TNRC6A: variants seen among roughly 807,000 people sequenced by gnomAD.
The protein encoded by TNRC6A is trinucleotide repeat-containing gene 6A protein.
Under a neutral mutation model 221.2 loss-of-function variants are expected in TNRC6A, and 44 were observed. The ratio of observed to expected loss-of-function variants is 0.20; its 90% CI spans 0.16 to 0.26. The LOEUF is 0.26. TNRC6A is among the 10% of genes least tolerant of loss of function. TNRC6A has a pLI of 1.00. For synonymous variants in TNRC6A, 847 were observed against 838.5 expected, an observed-to-expected ratio of 1.01 and a Z score of -0.18; for missense variants, 2,199 against 2,404.4, an observed-to-expected ratio of 0.91 and a Z score of 1.79.
intron 6 of TNRC6A, among the ~76,000 whole-genome samples, chr16:24,792,473 T>C (rs751551344): frequency 6.6e-5 from 10 of 152,120 alleles, no homozygotes; most frequent in Non-Finnish European, 1.5e-4. Context: ...TTTCATGAGC[T>C]AACTTTTTGG....
At chr16:24,746,125 T>A (rs1240817639) in intron 2 of TNRC6A, among the ~76,000 whole-genome samples, 1 of 152,192 alleles carries the variant, frequency 6.6e-6, no homozygotes, top group African/African-American at 2.4e-5. Flanking sequence ...CCATAAAGCC[T>A]TCCACAGTTG....
At chr16:24,693,000 A>T (rs537007838) in intron 2 of TNRC6A, among the ~76,000 whole-genome samples, 1 of 152,302 alleles carries the variant, frequency 6.6e-6, no homozygotes, top group East Asian at 1.9e-4. Flanking sequence ...TATATTCCTC[A>T]CTGTAGTCTA....
intron 2 of TNRC6A, among the ~76,000 whole-genome samples, chr16:24,740,031 C>G (rs139992651): frequency 6.6e-6 from 1 of 152,352 alleles, no homozygotes; most frequent in African/African-American, 2.4e-5. Context: ...GTAATTCCAG[C>G]TTCATTTGTT....
chr16:24,623,901 C>CAAAAAAAAAA, intron 1 of TNRC6A, among the ~76,000 whole-genome samples: 1 of 55,160 alleles, frequency 1.8e-5, no homozygotes, highest in Non-Finnish European at 3.0e-5. Context: ...GACCCTGTCT[C>CAAAAAAAAAA]AAAAAAAAAA....
chr16:24,704,869 C>T (rs1026525764), intron 2 of TNRC6A, among the ~76,000 whole-genome samples: 2 of 151,370 alleles, frequency 1.3e-5, no homozygotes, highest in Non-Finnish European at 2.9e-5. Flanking sequence ...CACTAGGGCA[C>T]GATGGTTCAC....
intron 19 of TNRC6A, chr16:24,816,497 C>T (rs931292895): frequency 9.3e-6 from 2 of 214,850 alleles, no homozygotes; most frequent in Non-Finnish European, 1.9e-5. Context: ...TAGAGAAAGA[C>T]CCTGTCTCAA....
At chr16:24,818,319 G>A (rs2058694963) in intron 20 of TNRC6A, among the ~76,000 whole-genome samples, 1 of 152,166 alleles carries the variant, frequency 6.6e-6, no homozygotes, top group Non-Finnish European at 1.5e-5. Context: ...CTTGGTGGCT[G>A]GACCCCATTG....
intron 2 of TNRC6A, among the ~76,000 whole-genome samples, chr16:24,667,786 C>G (rs1288807456): frequency 6.6e-6 from 1 of 152,214 alleles, no homozygotes; most frequent in African/African-American, 2.4e-5. Context: ...CACCTGTAAT[C>G]CCAGCACTTT....
At chr16:24,664,551 A>C (rs559032165) in intron 2 of TNRC6A, among the ~76,000 whole-genome samples, 12 of 143,636 alleles carry the variant, frequency 8.4e-5, no homozygotes, top group African/African-American at 2.8e-4. Context: ...AAAATATAAT[A>C]TATTTTTAAT....
chr16:24,635,073 TTTTTCTTTCTTTC>T (rs1198639172), intron 1 of TNRC6A, among the ~76,000 whole-genome samples: 2 of 151,320 alleles, frequency 1.3e-5, no homozygotes, highest in East Asian at 2.0e-4. Context: ...CCTTTCTTTC[TTTTTCTTTCTTTC>T]TTTTCTTTCT....
chr16:24,749,365 A>G (rs371816874), intron 2 of TNRC6A, among the ~76,000 whole-genome samples: 42 of 152,216 alleles, frequency 2.8e-4, no homozygotes, highest in African/African-American at 9.9e-4. Flanking sequence ...TTCTGGGACA[A>G]CCAAACCCAT....
intron 2 of TNRC6A, among the ~76,000 whole-genome samples, chr16:24,653,149 A>G (rs543658027): frequency 1.3e-5 from 2 of 152,334 alleles, no homozygotes; most frequent in African/African-American, 4.8e-5. Context: ...GAATGAACAA[A>G]TCTATAAAGC....
At chr16:24,730,213 GTGTTTTTGTTTTGTTTT>G (rs749803875) in intron 1 of TNRC6A, 23 bp from the exon 2 acceptor site, 9 of 1,581,196 alleles carry the variant, frequency 5.7e-6, no homozygotes, top group African/African-American at 2.7e-5. Flanking sequence ...TTTTGTGTGT[GTGTTTTTGTTTTGTTTT>G]TGTTTTTGTT....
chr16:24,637,018 G>A (rs148034872), intron 1 of TNRC6A, among the ~76,000 whole-genome samples: 18 of 151,894 alleles, frequency 1.2e-4, no homozygotes, highest in Non-Finnish European at 2.5e-4. Flanking sequence ...TTTGTTGCAG[G>A]GGTTTTTTTT....
chr16:24,614,201 G>A (rs1280360968), intron 1 of TNRC6A, among the ~76,000 whole-genome samples: 1 of 152,220 alleles, frequency 6.6e-6, no homozygotes, highest in Non-Finnish European at 1.5e-5. Flanking sequence ...TGACAGCTGG[G>A]TTCCAAACGC....
chr16:24,674,958 T>C (rs542932904), intron 2 of TNRC6A, among the ~76,000 whole-genome samples: 1 of 151,970 alleles, frequency 6.6e-6, no homozygotes, highest in Admixed American at 6.6e-5. Context: ...GGGCAACGTA[T>C]TGAGACCACT....
chr16:24,790,419 A>T lies in TNRC6A; in HGVS notation c.1777A>T (p.Asn593Tyr). 6.2e-7 allele frequency: 1 copy of T among 1,614,220 alleles called. No homozygotes were observed. The highest frequency in any genetic ancestry group is 8.5e-7 in the Non-Finnish European group (1 of 1,180,048). ...STSWGSGNGA[N>Y]SGGSRRGWGT... is the part of the protein sequence containing the mutation. ...ATCATGGGGAAGTGGAAATGGCGCA[A>T]ATTCTGGAGGAAGTCGAAGAGGATG... Residue 593 changes from asparagine to tyrosine, a missense_variant, in exon 6 of 25, where the codon AAT (asparagine) becomes TAT (tyrosine). Physicochemically the swap from Asn to Tyr is moderately radical, Grantham distance 143 (BLOSUM62 -2). Around this residue, in one of 8 missense-constraint regions of TNRC6A, gnomAD observed 1,405 missense variants for 1,400.2 expected, o/e 1.00. Coordinates refer to ENST00000395799, the MANE Select transcript of TNRC6A (RefSeq NM_014494.4).
chr16:24,684,369 G>A (rs1053518119), intron 2 of TNRC6A, among the ~76,000 whole-genome samples: 2 of 152,018 alleles, frequency 1.3e-5, no homozygotes, highest in Admixed American at 1.3e-4. Flanking sequence ...TCGAGCCACC[G>A]CATTCCAGCC....
intron 2 of TNRC6A, among the ~76,000 whole-genome samples, chr16:24,652,212 A>G (rs1412820689): frequency 1.3e-5 from 2 of 152,208 alleles, no homozygotes; most frequent in African/African-American, 2.4e-5. Context: ...TTTAGAATAA[A>G]AGAACTTAAG....
Sources: allele counts gnomAD v4.1 joint callset (sites outside exome capture counted in the v4.1 genomes callset), GRCh38; gene constraint gnomAD v4.1.1; regional missense constraint gnomAD v4.1.1; transcripts MANE v1.5; gene names NCBI Gene and HGNC (gene_info 2026-07-23, HGNC 2026-07-21).